The following DLGAP2 variants were observed in gnomAD, a reference collection of about 807,000 sequenced individuals.
DLGAP2 encodes the protein DLG associated protein 2.
In DLGAP2, 26 loss-of-function variants were observed where a neutral mutation model predicts 100.3. The ratio of observed to expected loss-of-function variants is 0.26; its 90% confidence interval spans 0.19 to 0.36. The LOEUF is 0.36. Among genes scored for constraint, DLGAP2 ranks in the 10% least tolerant of loss-of-function variants. The pLI, the probability that DLGAP2 is intolerant of heterozygous loss-of-function variation, is 1.00. For synonymous variants in DLGAP2, 886 were observed against 630.1 expected, an observed-to-expected ratio of 1.41 and a Z score of -6.08; for missense variants, 1,858 against 1,453.2, an observed-to-expected ratio of 1.28 and a Z score of -4.53.
chr8:1,603,925 TGAG>T (rs1796712803), intron 6 of DLGAP2, among the ~76,000 whole-genome samples: 1 of 152,134 alleles, frequency 6.6e-6, no homozygotes, highest in Non-Finnish European at 1.5e-5. Flanking sequence ...TGCCTCCGTA[TGAG>T]GAGTTTTCTG....
intron 2 of DLGAP2, among the ~76,000 whole-genome samples, chr8:1,195,334 C>A (rs1428024366): frequency 6.6e-6 from 1 of 152,238 alleles, no homozygotes; most frequent in East Asian, 1.9e-4. Flanking sequence ...GGCTGTCTAC[C>A]AGGCATGGAG....
chr8:1,433,611 C>T (rs1356690512), intron 3 of DLGAP2, among the ~76,000 whole-genome samples: 1 of 144,258 alleles, frequency 6.9e-6, no homozygotes, highest in African/African-American at 2.5e-5. Context: ...GGGCAGCCAA[C>T]GCAGCTGACC....
At position 1,678,346 on chromosome 8, in the gene DLGAP2, C is replaced by T. The variant is rs755621517; in HGVS notation, c.2421C>T (p.Ser807=). ...TCGGCTCATCCTTCCAGCGGCACTC[C>T]GAGCCCAGCACCCCCACCCAGTACA... ...LQFGSSFQRH[S]EPSTPTQYSA... is the part of the protein sequence containing the mutation. The change falls in exon 12 of 15, where the codon TCC becomes TCT. Residue 807 remains serine (S), a synonymous_variant. Coordinates refer to ENST00000637795, the MANE Select transcript of DLGAP2 (RefSeq NM_001346810.2). The T allele has an allele frequency of 6.2e-6, 10 of 1,613,876 alleles. No individual in the cohort carries two copies. The highest frequency in any genetic ancestry group is 5.5e-5 in the South Asian group (5 of 91,084).
At chr8:1,655,712 A>T (rs1388807621) in intron 8 of DLGAP2, among the ~76,000 whole-genome samples, 1 of 152,216 alleles carries the variant, frequency 6.6e-6, no homozygotes, top group Non-Finnish European at 1.5e-5. Context: ...TCTTTCCAGT[A>T]AAATGCTTTG....
chr8:775,456 T>G lies in DLGAP2; in HGVS notation c.18+37631T>G, dbSNP rs1821490224. 4.2e-5 allele frequency among the ~76,000 whole-genome samples: 6 copies of G among 142,224 alleles called. No individual in the cohort carries two copies. In the South Asian group the frequency reaches 1.5e-3, roughly 34 times the overall value. 93.3% of individuals were successfully genotyped at this position (142,224 alleles called of 152,430 possible). ...TTTCAAAGGGAATGCTTCCAGTTTT[T>G]GCCCATTCAGTATGATATTGGCTGT... is the stretch of plus-strand genomic sequence containing the variant. On this transcript the variant is annotated intron_variant, in intron 1 of 14. Coordinates refer to ENST00000637795, the MANE Select transcript of DLGAP2 (RefSeq NM_001346810.2).
At chr8:1,302,944 G>T (rs1800394438) in intron 3 of DLGAP2, among the ~76,000 whole-genome samples, 1 of 152,204 alleles carries the variant, frequency 6.6e-6, no homozygotes, top group Non-Finnish European at 1.5e-5. Flanking sequence ...AGTAAAACAT[G>T]CACGTCCTTG....
At chr8:1,222,635 A>G (rs1243768439) in intron 2 of DLGAP2, among the ~76,000 whole-genome samples, 1 of 151,238 alleles carries the variant, frequency 6.6e-6, no homozygotes, top group African/African-American at 2.4e-5. Flanking sequence ...AGGTGGGTGT[A>G]CACGGTGGGG....
At chr8:1,176,791 G>T (rs896228636) in intron 2 of DLGAP2, among the ~76,000 whole-genome samples, 1 of 152,172 alleles carries the variant, frequency 6.6e-6, no homozygotes, top group Non-Finnish European at 1.5e-5. Flanking sequence ...AGAGGTCTCG[G>T]TTGGAGGCAG....
intron 2 of DLGAP2, among the ~76,000 whole-genome samples, chr8:1,208,965 A>G (rs1462552686): frequency 3.3e-5 from 5 of 152,116 alleles, no homozygotes; most frequent in African/African-American, 1.2e-4. Context: ...CACCTCTACA[A>G]GGAAAACTGT....
chr8:1,539,025 A>C (rs1801258282), intron 4 of DLGAP2, among the ~76,000 whole-genome samples: 1 of 151,416 alleles, frequency 6.6e-6, no homozygotes, highest in Non-Finnish European at 1.5e-5. Flanking sequence ...AGCTGGGATT[A>C]CAGGTGCACA....
intron 3 of DLGAP2, among the ~76,000 whole-genome samples, chr8:1,478,346 A>G (rs1236887995): frequency 1.3e-5 from 2 of 152,176 alleles, no homozygotes; most frequent in Admixed American, 6.5e-5. Context: ...AGCACCCCTC[A>G]GCTCATGTGA....
chr8:952,944 G>A (rs1246417231), intron 2 of DLGAP2, among the ~76,000 whole-genome samples: 1 of 152,042 alleles, frequency 6.6e-6, no homozygotes, highest in African/African-American at 2.4e-5. Context: ...GAAATCTGTT[G>A]GTCTGTTTTA....
chr8:1,304,419 A>G (rs201542565), intron 3 of DLGAP2, among the ~76,000 whole-genome samples: 4 of 152,240 alleles, frequency 2.6e-5, no homozygotes, highest in African/African-American at 9.6e-5. Context: ...AAAGTTGTAC[A>G]TGAGATTTTT....
chr8:1,029,085 C>T (rs1801899335), intron 2 of DLGAP2, among the ~76,000 whole-genome samples: 2 of 152,274 alleles, frequency 1.3e-5, no homozygotes, highest in Admixed American at 6.5e-5. Flanking sequence ...TAGTGAGGCT[C>T]TGTGAAGGGC....
At chr8:1,432,227 C>G (rs1187561306) in intron 3 of DLGAP2, among the ~76,000 whole-genome samples, 1 of 152,206 alleles carries the variant, frequency 6.6e-6, no homozygotes, top group Non-Finnish European at 1.5e-5. Context: ...AAGCCAGTGG[C>G]TAAGATGAAG....
intron 3 of DLGAP2, among the ~76,000 whole-genome samples, chr8:1,444,536 A>C (rs1563153448): frequency 6.6e-6 from 1 of 152,042 alleles, no homozygotes; most frequent in East Asian, 1.9e-4. Flanking sequence ...TAAGAGAGAA[A>C]GAGACAGTGT....
chr8:866,816 C>G (rs1376966778), intron 1 of DLGAP2, among the ~76,000 whole-genome samples: 1 of 152,188 alleles, frequency 6.6e-6, no homozygotes, highest in Non-Finnish European at 1.5e-5. Context: ...CCATTCATTC[C>G]AGGTCCCCTG....
intron 3 of DLGAP2, among the ~76,000 whole-genome samples, chr8:1,465,675 G>C (rs1001540274): frequency 6.6e-6 from 1 of 152,228 alleles, no homozygotes; most frequent in Non-Finnish European, 1.5e-5. Context: ...CACTGGATGG[G>C]CGTGACTGAG....
At chr8:1,271,687 T>C (rs1035766432) in intron 3 of DLGAP2, among the ~76,000 whole-genome samples, 2 of 152,096 alleles carry the variant, frequency 1.3e-5, no homozygotes, top group Non-Finnish European at 2.9e-5. Context: ...CAGGGTAGAG[T>C]GGTGTCTGCC....
Sources: gnomAD v4.1 joint callset for allele counts (sites outside exome capture counted in the v4.1 genomes callset) on GRCh38, gnomAD v4.1.1 for gene constraint, MANE v1.5 for transcripts, NCBI Gene and HGNC (gene_info 2026-07-23, HGNC 2026-07-21) for gene names.